The following ARHGAP21 variants were observed in gnomAD, a reference collection of about 807,000 sequenced individuals.
ARHGAP21 encodes rho GTPase-activating protein 21.
ARHGAP21 carries 38 observed loss-of-function variants against 164.6 expected under a neutral mutation model. The ratio of observed to expected loss-of-function variants is 0.23; its 90% CI spans 0.18 to 0.30. ARHGAP21 has a LOEUF of 0.30. Ranked by LOEUF, ARHGAP21 falls within the 10% of genes least tolerant of loss-of-function variation. The pLI is 1.00. For missense variants in ARHGAP21, 1,822 were observed against 2,370.7 expected, an observed-to-expected ratio of 0.77 and a Z score of 4.81; for synonymous variants, 766 against 857.9, an observed-to-expected ratio of 0.89 and a Z score of 1.87.
At chr10:24,696,422 CGAA>C (rs909820513) in intron 2 of ARHGAP21, among the ~76,000 whole-genome samples, 39 of 152,266 alleles carry the variant, frequency 2.6e-4, no homozygotes, top group African/African-American at 9.1e-4. Flanking sequence ...TCACACAGGA[CGAA>C]GAAGAGAGCC....
intron 9 of ARHGAP21, among the ~76,000 whole-genome samples, chr10:24,617,709 T>C (rs936417302): frequency 2.7e-5 from 3 of 112,920 alleles, no homozygotes; most frequent in Admixed American, 8.9e-5. Context: ...AAGCTATCAA[T>C]AGCTTTACAA....
intron 4 of ARHGAP21, among the ~76,000 whole-genome samples, chr10:24,645,345 C>T (rs1837452322): frequency 6.6e-6 from 1 of 152,094 alleles, no homozygotes; most frequent in South Asian, 2.1e-4. Flanking sequence ...TTTTGGGAGG[C>T]TGAGATGGGT....
At chr10:24,631,956 A>C (rs1159960939) in intron 6 of ARHGAP21, among the ~76,000 whole-genome samples, 1 of 152,112 alleles carries the variant, frequency 6.6e-6, no homozygotes, top group Admixed American at 6.5e-5. Context: ...CCTAGGCTCA[A>C]GTGATCGGCC....
chr10:24,594,930 T>C lies in ARHGAP21; in HGVS notation c.3876+20A>G. 1 of 1,566,804 alleles carries C rather than the reference T, an allele frequency of 6.4e-7. No homozygotes were observed. The highest frequency in any genetic ancestry group is 8.8e-7 in the Non-Finnish European group (1 of 1,142,800). On this transcript the variant is annotated intron_variant, in intron 21 of 25. Coordinates refer to ENST00000396432, the MANE Select transcript of ARHGAP21 (RefSeq NM_020824.4). ...CTAAAGCCACTAAAAGTACATTTCTTCAATAAGCATTTTACATACCTTATT... is the reference window on the plus strand; with the variant it reads ...CTAAAGCCACTAAAAGTACATTTCTCCAATAAGCATTTTACATACCTTATT...
chr10:24,595,236 T>C, intron 19 of ARHGAP21, 46 bp from the exon 20 acceptor site: 2 of 1,473,748 alleles, frequency 1.4e-6, no homozygotes, highest in Non-Finnish European at 1.9e-6. Flanking sequence ...ATTGCCTAGG[T>C]GAATTGTAAT....
chr10:24,696,049 G>A (rs1371141339), intron 2 of ARHGAP21, among the ~76,000 whole-genome samples: 7 of 152,178 alleles, frequency 4.6e-5, no homozygotes, highest in African/African-American at 1.7e-4. Context: ...ATAGATAACT[G>A]AACTGACACA....
intron 7 of ARHGAP21, among the ~76,000 whole-genome samples, chr10:24,625,131 A>G (rs1834994926): frequency 6.7e-6 from 1 of 148,716 alleles, no homozygotes; most frequent in Non-Finnish European, 1.5e-5. Context: ...AGAACTCCAA[A>G]CAGTATGTTA....
At chr10:24,595,442 A>AAAAACATTTTTCTACTCATTGTACC (rs2076539230) in intron 19 of ARHGAP21, among the ~76,000 whole-genome samples, 1 of 152,192 alleles carries the variant, frequency 6.6e-6, no homozygotes, top group Non-Finnish European at 1.5e-5. Context: ...GCTTGACTGA[A>AAAAACATTTTTCTACTCATTGTACC]AAAACATTTT....
chr10:24,689,920 ATATG>A (rs1842592027), intron 2 of ARHGAP21, among the ~76,000 whole-genome samples: 1 of 98,950 alleles, frequency 1.0e-5, no homozygotes, highest in Non-Finnish European at 2.1e-5. Context: ...GTATATATGT[ATATG>A]TATGTATATG....
At chr10:24,599,488 G>A (rs180739974) in intron 14 of ARHGAP21, among the ~76,000 whole-genome samples, 2 of 152,322 alleles carry the variant, frequency 1.3e-5, no homozygotes, top group African/African-American at 2.4e-5. Flanking sequence ...TTCCTATGGT[G>A]TAACGTTTTA....
chr10:24,635,218 C>A, intron 4 of ARHGAP21, 115 bp from the exon 5 acceptor site: 1 of 583,686 alleles, frequency 1.7e-6, no homozygotes, highest in Non-Finnish European at 2.8e-6. Flanking sequence ...ATATTAAATA[C>A]ATATCCTGAA....
chr10:24,590,003 T>G (rs1192528046), intron 24 of ARHGAP21: 1 of 228,248 alleles, frequency 4.4e-6, no homozygotes, highest in African/African-American at 2.3e-5. Flanking sequence ...GACCATAATT[T>G]TACTGTCTGG....
At chr10:24,692,527 G>A (rs1593306883) in intron 2 of ARHGAP21, among the ~76,000 whole-genome samples, 3 of 152,288 alleles carry the variant, frequency 2.0e-5, no homozygotes, top group Admixed American at 2.0e-4. Flanking sequence ...CAACCCAAAT[G>A]TCCATTAAGA....
In ARHGAP21 at chr10:24,597,551, T is replaced by G; in HGVS notation, c.3230A>C (p.Gln1077Pro). Residue 1077 changes from glutamine to proline, a missense_variant, in exon 16 of 26, where the codon CAG becomes CCG. Physicochemically the swap from Gln to Pro is moderately conservative, Grantham distance 76 (BLOSUM62 -1). Transcript: ENST00000396432. ...KAEQLPKTPR[Q>P]SLSIRQTLLG... ...CAAAGTTTGCCTGATGCTGAGACTC[T>G]GGCGAGGTGTTTTTGGCAACTGTTC... 6.2e-7 allele frequency: 1 copy of G among 1,614,178 alleles called. No homozygotes were observed. The highest frequency in any genetic ancestry group is 1.1e-5 in the South Asian group (1 of 91,082).
intron 4 of ARHGAP21, among the ~76,000 whole-genome samples, chr10:24,639,636 G>T (rs560721628): frequency 6.6e-6 from 1 of 152,142 alleles, no homozygotes; most frequent in South Asian, 2.1e-4. Context: ...TACTGCCGGG[G>T]GAGGGGATAG....
intron 9 of ARHGAP21, among the ~76,000 whole-genome samples, chr10:24,613,031 T>C (rs957402686): frequency 2.6e-5 from 4 of 152,088 alleles, no homozygotes; most frequent in African/African-American, 9.7e-5. Flanking sequence ...TATTAATCTT[T>C]GGCAATGCCA....
chr10:24,643,073 A>G (rs1288831209), intron 4 of ARHGAP21, among the ~76,000 whole-genome samples: 1 of 152,194 alleles, frequency 6.6e-6, no homozygotes, highest in African/African-American at 2.4e-5. Flanking sequence ...GTACAGTACC[A>G]CTAGGTGTCG....
At chr10:24,698,754 G>A (rs1843386797) in intron 2 of ARHGAP21, among the ~76,000 whole-genome samples, 2 of 152,100 alleles carry the variant, frequency 1.3e-5, no homozygotes, top group Admixed American at 1.3e-4. Context: ...CTAAAATTAA[G>A]GCAAATTGTT....
At chr10:24,646,131 G>A (rs970765666) in intron 4 of ARHGAP21, among the ~76,000 whole-genome samples, 3 of 152,144 alleles carry the variant, frequency 2.0e-5, no homozygotes, top group African/African-American at 7.2e-5. Flanking sequence ...TTTCTATTCT[G>A]TTTTTATAGC....
Sources: gnomAD v4.1 joint callset for allele counts (sites outside exome capture counted in the v4.1 genomes callset) on GRCh38, gnomAD v4.1.1 for gene constraint, MANE v1.5 for transcripts, NCBI Gene and HGNC (gene_info 2026-07-23, HGNC 2026-07-21) for gene names.